PRR5: variants seen among roughly 807,000 people sequenced by gnomAD.
PRR5 encodes proline-rich protein 5.
In PRR5, 25 loss-of-function variants were observed where a neutral mutation model predicts 30.6. The observed-to-expected ratio is 0.82, with a 90% confidence interval of 0.60 to 1.14. PRR5 has a LOEUF of 1.14. Ranked by LOEUF, PRR5 falls within the 50% of genes most tolerant of loss-of-function variation. PRR5 has a pLI of 0.00. For missense variants in PRR5, 600 were observed against 547.1 expected (o/e 1.10, Z -0.96); for synonymous variants, 286 against 247.1 (o/e 1.16, Z -1.48).
intron 2 of PRR5, among the ~76,000 whole-genome samples, chr22:44,722,906 A>C (rs969446270): frequency 1.3e-5 from 2 of 152,216 alleles, no homozygotes; most frequent in African/African-American, 4.8e-5. Context: ...CAGGGCTTCC[A>C]AAATGACTAC....
chr22:44,697,016 C>T (rs1321134643), intron 1 of PRR5, among the ~76,000 whole-genome samples: 3 of 152,096 alleles, frequency 2.0e-5, no homozygotes, highest in Non-Finnish European at 2.9e-5. Context: ...GGATCACAGG[C>T]GTGAGCCACC....
At position 44,732,140 on chromosome 22, in the gene PRR5, G is replaced by C. The variant is rs529494979; in HGVS notation, c.415-111G>C. 4 of 1,518,514 alleles carry C rather than the reference G, an allele frequency of 2.6e-6. No individual in the cohort carries two copies. The Admixed American group carries it at 7.1e-5, about 27-fold the overall frequency. The allele number at this position is 1,518,514 out of a possible 1,614,324, so 94.1% of individuals were successfully genotyped here. On this transcript the variant is annotated intron_variant, in intron 5 of 7. Transcript: ENST00000336985. ...GTCATCTGAGGAGAACGGGGTGGAG[G>C]GGCCTGAGGGTCGGCAGGTCTCTTC...
Position 44,687,318 on chromosome 22 carries a change from A to G in PRR5, c.-11+10078A>G, listed in dbSNP as rs536840781. Among the ~76,000 whole-genome samples the G allele has an allele frequency of 1.3e-4, 20 of 151,366 alleles. 1 individual carries two copies. In the South Asian group the frequency reaches 4.0e-3, roughly 30 times the overall value. ...ACAATTCTTCTAGCTACTTTGAAATATATGATAAATTATTGTTAATGATGA... is the reference window on the plus strand; with the variant it reads ...ACAATTCTTCTAGCTACTTTGAAATGTATGATAAATTATTGTTAATGATGA... On this transcript the variant is annotated intron_variant, in intron 1 of 8. Transcript: ENST00000006251.
At chr22:44,716,504 C>T (rs906457064) in intron 2 of PRR5, among the ~76,000 whole-genome samples, 1 of 152,122 alleles carries the variant, frequency 6.6e-6, no homozygotes, top group African/African-American at 2.4e-5. Flanking sequence ...AAGACACCTT[C>T]TCTATTAATA....
At chr22:44,702,130 CCCCCGCCCCCTT>C (rs962556722), upstream of PRR5, 40 of 213,282 alleles carry the variant, frequency 1.9e-4, no homozygotes, top group East Asian at 2.2e-3. Context: ...GCCCGCGATG[CCCCCGCCCCCTT>C]CCCCGCCCCG....
At chr22:44,671,886 T>TGAACAATCCCAGTTAG in intron 1 of PRR5, among the ~76,000 whole-genome samples, 1 of 152,356 alleles carries the variant, frequency 6.6e-6, no homozygotes, top group South Asian at 2.1e-4. Context: ...GTCAGGTGCT[T>TGAACAATCCCAGTTAG]GAACAATCCC....
intron 1 of PRR5, among the ~76,000 whole-genome samples, chr22:44,689,682 T>G (rs1229258247): frequency 1.3e-5 from 2 of 152,230 alleles, no homozygotes; most frequent in Non-Finnish European, 2.9e-5. Context: ...GGAGTCTCGC[T>G]CTATCACCCA....
chr22:44,725,652 C>T (rs1274394109), intron 3 of PRR5, among the ~76,000 whole-genome samples: 1 of 149,778 alleles, frequency 6.7e-6, no homozygotes, highest in African/African-American at 2.5e-5. Context: ...TGTTTTTTGT[C>T]TTTTGTTTTG....
chr22:44,679,808 T>C, intron 1 of PRR5: 1 of 1,598,542 alleles, frequency 6.3e-7, no homozygotes, highest in Non-Finnish European at 8.5e-7. Flanking sequence ...CCATGGTGTG[T>C]TTGGAACTTT....
At chr22:44,722,169 G>C (rs1359925060) in intron 2 of PRR5, among the ~76,000 whole-genome samples, 1 of 152,200 alleles carries the variant, frequency 6.6e-6, no homozygotes, top group Non-Finnish European at 1.5e-5. Flanking sequence ...CAAGGGAGGA[G>C]GTTGGGCCTC....
chr22:44,729,686 C>A (rs572603336), intron 4 of PRR5: 2 of 985,504 alleles, frequency 2.0e-6, no homozygotes, highest in Admixed American at 1.2e-4. Flanking sequence ...GGACAGGCCC[C>A]GGCAGAGAGC....
At chr22:44,675,640 A>G (rs926565402), upstream of PRR5, among the ~76,000 whole-genome samples, 2 of 152,102 alleles carry the variant, frequency 1.3e-5, no homozygotes, top group African/African-American at 4.8e-5. Flanking sequence ...CTGCTGTCAA[A>G]TGGGAGCAAG....
chr22:44,673,049 G>T (rs1242943076), upstream of PRR5, among the ~76,000 whole-genome samples: 1 of 152,244 alleles, frequency 6.6e-6, no homozygotes. Flanking sequence ...TCTTAAGGCT[G>T]TGCTTTCTGT....
chr22:44,726,464 C>T, intron 3 of PRR5, 113 bp from the exon 4 acceptor site: 1 of 1,487,310 alleles, frequency 6.7e-7, no homozygotes, highest in African/African-American at 1.4e-5. Flanking sequence ...TGAGTCTCCT[C>T]CCCCTTTAAG....
chr22:44,718,309 C>T (rs1929422359), intron 2 of PRR5, among the ~76,000 whole-genome samples: 1 of 147,476 alleles, frequency 6.8e-6, no homozygotes, highest in African/African-American at 2.5e-5. Flanking sequence ...ATTCTTGTGC[C>T]TCAGCCTCCC....
At chr22:44,720,221 G>T (rs1306948834) in intron 2 of PRR5, among the ~76,000 whole-genome samples, 5 of 152,260 alleles carry the variant, frequency 3.3e-5, no homozygotes, top group African/African-American at 1.2e-4. Context: ...GTCAGCAGCA[G>T]GTCTCACGTG....
chr22:44,678,756 C>T (rs933456387), intron 1 of PRR5, among the ~76,000 whole-genome samples: 8 of 152,222 alleles, frequency 5.3e-5, no homozygotes, highest in Non-Finnish European at 1.0e-4. Context: ...TTTGGGCCAG[C>T]GCTTGTCATA....
At chr22:44,699,697 G>A (rs945785457), upstream of PRR5, among the ~76,000 whole-genome samples, 74 of 152,308 alleles carry the variant, frequency 4.9e-4, no homozygotes, top group African/African-American at 1.7e-3. Flanking sequence ...AAGTCATCGG[G>A]TGACAACAGG....
At chr22:44,683,288 G>A (rs1924451050) in intron 1 of PRR5, among the ~76,000 whole-genome samples, 1 of 152,232 alleles carries the variant, frequency 6.6e-6, no homozygotes, top group Admixed American at 6.5e-5. Context: ...TTGAGTCTGG[G>A]GAAATCCAAG....
Sources: gnomAD v4.1 joint callset for allele counts (sites outside exome capture counted in the v4.1 genomes callset) on GRCh38, gnomAD v4.1.1 for gene constraint, MANE v1.5 for transcripts, NCBI Gene and HGNC (gene_info 2026-07-23, HGNC 2026-07-21) for gene names.